Variants in TBC1D32 observed in about 807,000 individuals in gnomAD.
The protein encoded by TBC1D32 is TBC1 domain family member 32.
A neutral mutation model predicts 170.3 loss-of-function variants in TBC1D32; 151 were observed. The observed-to-expected ratio is 0.89, with a 90% CI of 0.78 to 1.01. The LOEUF is 1.01. Among genes scored for constraint, TBC1D32 ranks in the 50% least tolerant of loss-of-function variants. The pLI is 0.00. For synonymous variants in TBC1D32, 498 were observed against 488.0 expected (o/e 1.02, Z -0.27); for missense variants, 1,464 against 1,457.1 (o/e 1.00, Z -0.08).
chr6:121,164,559 G>A lies in TBC1D32; in HGVS notation c.2571-3503C>T, dbSNP rs1174336515. Among the ~76,000 whole-genome samples the A allele has an allele frequency of 1.8e-4, 2 of 10,994 alleles. 1 individual carries two copies. Among genetic ancestry groups the A allele is most frequent in the East Asian group, 2.9e-3 (2 of 688 alleles). The allele number at this position is 10,994 out of a possible 152,430, so 7.2% of individuals were successfully genotyped here. A position where few individuals can be genotyped will look rare whatever the true frequency, so the allele number is the denominator to read the frequency against. On this transcript the variant is annotated intron_variant, in intron 22 of 31. Transcript: ENST00000398212. ...CCCTATAAGAGCTCCTGAAGGAAGCGCTAAACCTGGAAAGGAACAACCGGT... is the reference window on the plus strand; with the variant it reads ...CCCTATAAGAGCTCCTGAAGGAAGCACTAAACCTGGAAAGGAACAACCGGT...
At chr6:121,161,662 G>C (rs1785678493) in intron 22 of TBC1D32, among the ~76,000 whole-genome samples, 1 of 152,252 alleles carries the variant, frequency 6.6e-6, no homozygotes, top group African/African-American at 2.4e-5. Flanking sequence ...GCCTGTATTT[G>C]TCTAATAGAA....
At position 121,308,686 on chromosome 6, in the gene TBC1D32, CTTTTTTTT is replaced by C. The variant is rs67847088; in HGVS notation, c.565-593_565-586del. Among the ~76,000 whole-genome samples, 10 of 112,526 alleles carry C rather than the reference CTTTTTTTT, an allele frequency of 8.9e-5. 1 individual carries two copies. The highest frequency in any genetic ancestry group is 1.9e-4 in the Admixed American group (2 of 10,422). The allele number at this position is 112,526 out of a possible 152,430, so 73.8% of individuals were successfully genotyped here. On this transcript the variant is annotated intron_variant, in intron 4 of 31. Coordinates refer to ENST00000398212, the MANE Select transcript of TBC1D32 (RefSeq NM_152730.6). ...CTGTATTTTCACAGAAAGCTTACTT[CTTTTTTTT>C]TTTTTTTTTTTTGAGACGGAGTCTC... is the stretch of plus-strand genomic sequence containing the variant.
intron 21 of TBC1D32, among the ~76,000 whole-genome samples, chr6:121,211,698 TC>T (rs1793083977): frequency 6.6e-6 from 1 of 152,154 alleles, no homozygotes; most frequent in South Asian, 2.1e-4. Context: ...TACCACATTT[TC>T]TTTATCCACT....
chr6:121,161,468 C>T (rs1035849118), intron 22 of TBC1D32, among the ~76,000 whole-genome samples: 3 of 152,166 alleles, frequency 2.0e-5, no homozygotes, highest in Admixed American at 6.5e-5. Context: ...TTTTCCATTC[C>T]TATATTAATT....
intron 31 of TBC1D32, among the ~76,000 whole-genome samples, chr6:121,085,413 A>G (rs566566029): frequency 1.4e-3 from 204 of 149,150 alleles, no homozygotes; most frequent in Non-Finnish European, 2.3e-3. Flanking sequence ...AAGTGATAGA[A>G]ACATAACAAC....
chr6:121,140,538 G>A (rs1317287478), intron 24 of TBC1D32, among the ~76,000 whole-genome samples: 1 of 151,894 alleles, frequency 6.6e-6, no homozygotes, highest in African/African-American at 2.4e-5. Context: ...CTTTTATATA[G>A]TATTTGAAAA....
At chr6:121,174,631 G>C (rs1725633986) in intron 22 of TBC1D32, among the ~76,000 whole-genome samples, 1 of 152,164 alleles carries the variant, frequency 6.6e-6, no homozygotes, top group South Asian at 2.1e-4. Context: ...AACATGATTA[G>C]ATATTAAAAC....
rs138079411 is a variant in TBC1D32 at position 121,298,494 on chromosome 6, T to C, written c.1140+952A>G. ...CTGTTCTTTATTTTTCCTTTCTCTATTCTAGCAAGATCAGTCTATGCTCAT... is the reference window on the plus strand; with the variant it reads ...CTGTTCTTTATTTTTCCTTTCTCTACTCTAGCAAGATCAGTCTATGCTCAT... On this transcript the variant is annotated intron_variant, in intron 10 of 31. Transcript: ENST00000398212. 4.6e-4 allele frequency among the ~76,000 whole-genome samples: 70 copies of C among 152,238 alleles called. No individual in the cohort carries two copies. In the East Asian group the frequency reaches 0.012, roughly 26 times the overall value.
At chr6:121,086,323 T>C (rs1776271962) in intron 31 of TBC1D32, among the ~76,000 whole-genome samples, 1 of 152,070 alleles carries the variant, frequency 6.6e-6, no homozygotes, top group Non-Finnish European at 1.5e-5. Flanking sequence ...TAGAATCAAG[T>C]AATATAAGGA....
chr6:121,274,791 G>A lies in TBC1D32; in HGVS notation c.1733+4330C>T, dbSNP rs373057737. 1.4e-4 allele frequency among the ~76,000 whole-genome samples: 22 copies of A among 152,186 alleles called. No individual in the cohort carries two copies. In the East Asian group the frequency reaches 3.5e-3, roughly 24 times the overall value. ...GCGTAAAAGTTATGCACAAAACTGA[G>A]GCAGAAACCCATTCTGAATAAAGTA... On this transcript the variant is annotated intron_variant, in intron 15 of 31. Coordinates refer to ENST00000398212, the MANE Select transcript of TBC1D32 (RefSeq NM_152730.6).
chr6:121,156,707 G>A (rs1408756617), intron 24 of TBC1D32, among the ~76,000 whole-genome samples: 1 of 147,120 alleles, frequency 6.8e-6, no homozygotes, highest in Non-Finnish European at 1.5e-5. Flanking sequence ...ATGTTAGTAA[G>A]TTGCATCTCT....
chr6:121,129,359 G>A (rs142566080), intron 25 of TBC1D32, among the ~76,000 whole-genome samples: 106 of 152,242 alleles, frequency 7.0e-4, no homozygotes, highest in Middle Eastern at 3.4e-3. Flanking sequence ...TTTAAGCTAG[G>A]CTAGGTTAAG....
chr6:121,329,012 CAT>C (rs1478942310), intron 1 of TBC1D32, among the ~76,000 whole-genome samples: 4 of 152,172 alleles, frequency 2.6e-5, no homozygotes, highest in African/African-American at 4.8e-5. Flanking sequence ...TAAAGAAAGA[CAT>C]GTGGAGTGGA....
chr6:121,213,635 A>C (rs1246852379), intron 21 of TBC1D32, among the ~76,000 whole-genome samples: 2 of 152,092 alleles, frequency 1.3e-5, no homozygotes, highest in East Asian at 3.8e-4. Flanking sequence ...ACATGGCTTA[A>C]AGAACTCAGA....
chr6:121,313,833 G>C (rs1290014892), intron 3 of TBC1D32, among the ~76,000 whole-genome samples: 1 of 152,120 alleles, frequency 6.6e-6, no homozygotes, highest in Non-Finnish European at 1.5e-5. Flanking sequence ...CTCAGCAGTA[G>C]TATAAAATCC....
chr6:121,244,460 T>C (rs1462188135), intron 17 of TBC1D32, among the ~76,000 whole-genome samples: 27 of 152,128 alleles, frequency 1.8e-4, no homozygotes, highest in Admixed American at 1.8e-3. Context: ...GGGCAGGGTC[T>C]GAGCTCAGAC....
intron 21 of TBC1D32, among the ~76,000 whole-genome samples, chr6:121,206,010 G>A (rs188974843): frequency 2.0e-5 from 3 of 152,196 alleles, no homozygotes; most frequent in Admixed American, 2.0e-4. Flanking sequence ...AGGAGTTCGA[G>A]ACCAGCCTGG....
chr6:121,235,981 T>C (rs1317666295), intron 20 of TBC1D32, among the ~76,000 whole-genome samples: 1 of 152,174 alleles, frequency 6.6e-6, no homozygotes, highest in Non-Finnish European at 1.5e-5. Context: ...AATTAGAATA[T>C]TTAGTTCATT....
chr6:121,111,796 T>C (rs533123731), intron 29 of TBC1D32, among the ~76,000 whole-genome samples: 6 of 152,290 alleles, frequency 3.9e-5, no homozygotes, highest in Admixed American at 2.6e-4. Context: ...ACATAGATAC[T>C]TGCCAATCTC....
Sources: allele counts gnomAD v4.1 joint callset (sites outside exome capture counted in the v4.1 genomes callset), GRCh38; gene constraint gnomAD v4.1.1; transcripts MANE v1.5; gene names NCBI Gene and HGNC (gene_info 2026-07-23, HGNC 2026-07-21).